The following SPECC1 variants were observed in gnomAD, a reference collection of about 807,000 sequenced individuals.
The protein encoded by SPECC1 is sperm antigen with calponin homology and coiled-coil domains 1.
Under a neutral mutation model 104.1 loss-of-function variants are expected in SPECC1, and 62 were observed. The ratio of observed to expected loss-of-function variants is 0.60; its 90% CI spans 0.49 to 0.74. The LOEUF is 0.74. SPECC1 is among the 30% of genes least tolerant of loss of function. The pLI, the probability that SPECC1 is intolerant of heterozygous loss-of-function variation, is 0.00. For missense variants in SPECC1, 1,306 were observed against 1,310.5 expected (o/e 1.00, Z 0.05); for synonymous variants, 513 against 501.6 (o/e 1.02, Z -0.30).
At chr17:20,149,796 A>G (rs1204023108) in intron 3 of SPECC1, among the ~76,000 whole-genome samples, 1 of 152,166 alleles carries the variant, frequency 6.6e-6, no homozygotes, top group Non-Finnish European at 1.5e-5. Context: ...AACTTAGGCA[A>G]GTTACTCACC....
chr17:20,231,422 G>A (rs2038569944), intron 5 of SPECC1, among the ~76,000 whole-genome samples: 1 of 152,216 alleles, frequency 6.6e-6, no homozygotes, highest in Admixed American at 6.5e-5. Flanking sequence ...GTGAGTGCGA[G>A]GGAGGCCGGA....
chr17:20,022,091 A>C (rs565730422), intron 1 of SPECC1, among the ~76,000 whole-genome samples: 77 of 151,360 alleles, frequency 5.1e-4, no homozygotes, highest in African/African-American at 1.7e-3. Context: ...ACTGGTGCCC[A>C]CCACTACGCC....
chr17:20,204,884 A>G lies in SPECC1; in HGVS notation c.835A>G (p.Ile279Val), dbSNP rs200104428. The change falls in exon 4 of 15, where the codon ATA becomes GTA. Residue 279 changes from isoleucine (I) to valine (V), a missense_variant. Transcript: ENST00000395527. ...HTGDSSCPTS[I>V]TQESSFGSPT... ...TGGCGACAGCAGCTGCCCAACATCC[A>G]TAACTCAAGAGTCAAGCTTCGGAAG... The G allele has an allele frequency of 2.5e-6, 4 of 1,614,068 alleles. No individual in the cohort carries two copies. In the East Asian group the frequency reaches 6.7e-5, roughly 27 times the overall value.
chr17:20,250,519 G>T (rs925239495), intron 9 of SPECC1, among the ~76,000 whole-genome samples: 6 of 152,138 alleles, frequency 3.9e-5, no homozygotes, highest in African/African-American at 9.7e-5. Context: ...TGATGAAATG[G>T]TCAAAATCTT....
At chr17:20,156,238 T>A (rs2152571397) in intron 3 of SPECC1, 2 of 1,370,660 alleles carry the variant, frequency 1.5e-6, no homozygotes, top group East Asian at 6.1e-5. Flanking sequence ...CGGAACCAGG[T>A]CTGTGCGGCT....
rs189364177 is a variant in SPECC1, at chr17:20,218,000, C to T, written c.1864-9413C>T. On this transcript the variant is annotated intron_variant, in intron 4 of 14. Transcript: ENST00000395527. ...TGACCCGTGATCGTGCCACTGTGCT[C>T]CAGCCTGGGCAACAGAGCAAGACCT... is the stretch of plus-strand genomic sequence containing the variant. 4.6e-5 allele frequency among the ~76,000 whole-genome samples: 7 copies of T among 152,192 alleles called. No individual in the cohort carries two copies. In the East Asian group the frequency reaches 1.4e-3, roughly 29 times the overall value.
At chr17:20,283,957 T>G (rs1349865988) in intron 12 of SPECC1, among the ~76,000 whole-genome samples, 1 of 152,204 alleles carries the variant, frequency 6.6e-6, no homozygotes, top group East Asian at 1.9e-4. Flanking sequence ...TGGTTTTAAT[T>G]TTGTCATATA....
chr17:20,121,571 C>T (rs2049034424), intron 3 of SPECC1, among the ~76,000 whole-genome samples: 1 of 152,162 alleles, frequency 6.6e-6, no homozygotes, highest in Admixed American at 6.5e-5. Context: ...TCCTGGGCTC[C>T]TCCTGCCTTG....
intron 8 of SPECC1, among the ~76,000 whole-genome samples, chr17:20,246,272 G>C (rs2039419195): frequency 6.6e-6 from 1 of 152,196 alleles, no homozygotes; most frequent in Admixed American, 6.5e-5. Context: ...CCTGGCTCAT[G>C]AATAACACAA....
In SPECC1 at chr17:20,260,201, A is replaced by G. The variant is rs151102945; in HGVS notation, c.2847A>G (p.Arg949=). The G allele has an allele frequency of 3.1e-6, 5 of 1,613,660 alleles. No individual in the cohort carries two copies. The African/African-American group carries it at 5.3e-5, about 17-fold the overall frequency. Residue 949 remains arginine, a synonymous_variant, in exon 12 of 15, where the codon AGA becomes AGG. Transcript: ENST00000395527. ...WKPQSKLSVE[R]KDPLAALARE... is the part of the protein sequence containing the mutation. ...TCTTCTTTCTAACCAGTGTGGAAAG[A>G]AAAGACCCTCTGGCAGCCTTGGCCC...
intron 13 of SPECC1, among the ~76,000 whole-genome samples, chr17:20,299,555 CAAAAAAAAAAAAAA>C (rs57493380): frequency 5.0e-5 from 2 of 40,370 alleles, no homozygotes; most frequent in Admixed American, 3.0e-4. Context: ...GACCCTGTCT[CAAAAAAAAAAAAAA>C]AAAAAAAAAA....
intron 1 of SPECC1, among the ~76,000 whole-genome samples, chr17:20,018,873 T>C (rs921219869): frequency 2.6e-5 from 4 of 152,126 alleles, no homozygotes; most frequent in Non-Finnish European, 5.9e-5. Context: ...CCCAGGGTTT[T>C]TATTGGGGGC....
At chr17:20,041,819 G>A (rs2045342893) in intron 1 of SPECC1, among the ~76,000 whole-genome samples, 1 of 151,358 alleles carries the variant, frequency 6.6e-6, no homozygotes, top group South Asian at 2.1e-4. Context: ...TAGAGACGGG[G>A]TTTCACCGTG....
intron 3 of SPECC1, among the ~76,000 whole-genome samples, chr17:20,196,762 A>G (rs1185999417): frequency 6.6e-6 from 1 of 152,262 alleles, no homozygotes. Flanking sequence ...TCTAGAATCT[A>G]ATGGCTTTAA....
At chr17:20,068,998 G>A (rs1040349280) in intron 1 of SPECC1, among the ~76,000 whole-genome samples, 1 of 152,104 alleles carries the variant, frequency 6.6e-6, no homozygotes, top group Admixed American at 6.5e-5. Context: ...AGGGGTACAT[G>A]TGAAGGTTTA....
At chr17:20,298,921 A>AAAGAGAGAG (rs1555535541) in intron 13 of SPECC1, among the ~76,000 whole-genome samples, 1 of 72,792 alleles carries the variant, frequency 1.4e-5, no homozygotes, top group Non-Finnish European at 2.4e-5. Flanking sequence ...GCAGAACCAA[A>AAAGAGAGAG]AGAGAGAGAG....
chr17:20,130,149 A>T (rs1378422182), intron 3 of SPECC1, among the ~76,000 whole-genome samples: 1 of 152,134 alleles, frequency 6.6e-6, no homozygotes, highest in Non-Finnish European at 1.5e-5. Flanking sequence ...TTTTTAGTTA[A>T]TTTTTGCAAA....
chr17:20,310,357 G>C (rs1312480353), intron 14 of SPECC1, among the ~76,000 whole-genome samples: 1 of 152,146 alleles, frequency 6.6e-6, no homozygotes, highest in African/African-American at 2.4e-5. Context: ...TCCACCAAGA[G>C]TGTATTCCCT....
At chr17:20,097,331 G>A (rs1255407167) in intron 2 of SPECC1, among the ~76,000 whole-genome samples, 1 of 152,174 alleles carries the variant, frequency 6.6e-6, no homozygotes, top group East Asian at 1.9e-4. Context: ...TACATGAGAG[G>A]CTCTCACCGT....
Sources: allele counts gnomAD v4.1 joint callset (sites outside exome capture counted in the v4.1 genomes callset), GRCh38; gene constraint gnomAD v4.1.1; transcripts MANE v1.5; gene names NCBI Gene and HGNC (gene_info 2026-07-23, HGNC 2026-07-21).